Variants in CENPF observed in about 807,000 individuals in gnomAD.
The protein encoded by CENPF is centromere protein F.
In CENPF, 214 loss-of-function variants were observed where a neutral mutation model predicts 307.3. That is an observed-to-expected ratio of 0.70 (90% CI 0.62 to 0.78). CENPF has a LOEUF of 0.78. Among genes scored for constraint, CENPF ranks in the 30% least tolerant of loss-of-function variants. The pLI, the probability that CENPF is intolerant of heterozygous loss-of-function variation, is 0.00. For synonymous variants in CENPF, 1,259 were observed against 1,270.6 expected (o/e 0.99, Z 0.19); for missense variants, 3,401 against 3,483.9 (o/e 0.98, Z 0.60).
In CENPF at chr1:214,659,238, G is replaced by A. The variant is rs542349741; in HGVS notation, c.9141+210G>A. 4.1e-4 allele frequency among the ~76,000 whole-genome samples: 62 copies of A among 152,138 alleles called. No individual in the cohort carries two copies. Among genetic ancestry groups the A allele is most frequent in the Non-Finnish European group, 7.5e-4 (51 of 68,000 alleles). ...GATCTCATCCTTCAGTCAACAGGCC[G>A]CTTATATGTAGTTTGATGGAAAATG... On this transcript the variant is annotated intron_variant, in intron 19 of 19. Transcript: ENST00000366955. This position sits in a 1 kb window ranked among gnomAD's most constrained non-coding sequence, Gnocchi z 4.4.
In CENPF at chr1:214,647,135, A is replaced by G. The variant is rs747939716; in HGVS notation, c.7565A>G (p.Glu2522Gly). The change falls in exon 13 of 20, where the codon GAA (glutamate) becomes GGA (glycine). Residue 2522 changes from glutamate (E) to glycine (G), a missense_variant. Coordinates refer to ENST00000366955, the MANE Select transcript of CENPF (RefSeq NM_016343.4). ...AAGCAGAAACTGGAGAAGAAGGATG[A>G]AGAAATCAGTAGACTGAAAAATCAA... The part of the protein sequence containing the change: ...DGKQKLEKKD[E>G]EISRLKNQIQ... 7.4e-6 allele frequency: 12 copies of G among 1,614,106 alleles called. No individual in the cohort carries two copies. The Admixed American group carries it at 2.0e-4, about 27-fold the overall frequency.
At chr1:214,652,590 C>A (rs550980416) in intron 15 of CENPF, among the ~76,000 whole-genome samples, 2 of 150,932 alleles carry the variant, frequency 1.3e-5, no homozygotes, top group South Asian at 2.1e-4. Flanking sequence ...ATTATAGGCG[C>A]CTGCCACCAC....
intron 19 of CENPF, among the ~76,000 whole-genome samples, chr1:214,662,913 G>A (rs1658824059): frequency 6.6e-6 from 1 of 151,952 alleles, no homozygotes; most frequent in African/African-American, 2.4e-5. Flanking sequence ...CTGAGTAGCT[G>A]GAACTATAGA....
chr1:214,610,138 A>G (rs150984134), intron 1 of CENPF, among the ~76,000 whole-genome samples: 16 of 151,850 alleles, frequency 1.1e-4, no homozygotes, highest in Non-Finnish European at 2.9e-5. Context: ...GATTACAGGC[A>G]TGAGCCACTG....
intron 1 of CENPF, among the ~76,000 whole-genome samples, chr1:214,612,066 G>A (rs1211989113): frequency 6.6e-6 from 1 of 152,120 alleles, no homozygotes; most frequent in Non-Finnish European, 1.5e-5. Flanking sequence ...TTCAAGGGGG[G>A]AATGCTTTCA....
chr1:214,639,751 C>T (rs1194519461), intron 11 of CENPF, among the ~76,000 whole-genome samples, 170 bp from the exon 12 acceptor site: 2 of 148,648 alleles, frequency 1.3e-5, no homozygotes. Context: ...AAGATAATTA[C>T]CAAGTGATCC....
chr1:214,657,309 T>G lies in CENPF; in HGVS notation c.8862T>G (p.Ser2954=). Residue 2954 remains serine (S), a synonymous_variant, in exon 18 of 20, where the codon TCT becomes TCG. Transcript: ENST00000366955. ...GPTPATPESF[S]KKSKKAVMSG... ...CACCTGCTACCCCAGAGAGCTTTTC[T>G]AAAAAAAGCAAGAAAGCAGTCATGA... The G allele has an allele frequency of 6.2e-7, 1 of 1,613,428 alleles. No homozygotes were observed. The highest frequency in any genetic ancestry group is 8.5e-7 in the Non-Finnish European group (1 of 1,179,798).
intron 5 of CENPF, among the ~76,000 whole-genome samples, chr1:214,620,381 A>C (rs554105114): frequency 6.6e-6 from 1 of 152,232 alleles, no homozygotes; most frequent in Admixed American, 6.5e-5. Context: ...GGTTCTAAGA[A>C]GGATGCAGAA....
rs1189908054 is a variant in CENPF, at chr1:214,646,993, G to C, written c.7423G>C (p.Val2475Leu). Residue 2475 changes from valine (V) to leucine (L), a missense_variant, in exon 13 of 20, where the codon GTA (valine) becomes CTA (leucine). By Grantham distance (32) the Val-to-Leu change is conservative. Coordinates refer to ENST00000366955, the MANE Select transcript of CENPF (RefSeq NM_016343.4). ...CAAAGAGCAGAATCTTAGTAGTCAA[G>C]TAGAGTGTCTTGAACTTGAGAAGGC... Reference protein sequence around the residue: ...KAKEQNLSSQVECLELEKAQL... With the variant: ...KAKEQNLSSQLECLELEKAQL... 1 of 1,614,072 alleles carries C rather than the reference G, an allele frequency of 6.2e-7. No individual in the cohort carries two copies. Among genetic ancestry groups the C allele is most frequent in the Admixed American group, 1.7e-5 (1 of 60,010 alleles).
intron 10 of CENPF, among the ~76,000 whole-genome samples, chr1:214,635,770 T>A (rs11810736): frequency 0.025 from 3,842 of 152,290 alleles, 174 homozygotes; most frequent in African/African-American, 0.086. Context: ...CATGTTAATC[T>A]TTCCATTGAG....
rs1334376157 is a variant in CENPF at position 214,657,388 on chromosome 1, C to T, written c.8941C>T (p.Leu2981Phe). 4 of 1,607,350 alleles carry T rather than the reference C, an allele frequency of 2.5e-6. No homozygotes were observed. Among genetic ancestry groups the T allele is most frequent in the Non-Finnish European group, 3.4e-6 (4 of 1,178,138 alleles). The change falls in exon 18 of 20, where the codon CTT becomes TTT. Residue 2981 changes from leucine to phenylalanine, a missense_variant. Leu to Phe is a conservative substitution (Grantham distance 22). Transcript: ENST00000366955. ...TEGTEFEPEG[L>F]PEVVKKGFAD... ...AGGTACTGAGTTTGAGCCAGAGGGA[C>T]TTCCAGAAGTTGTAAAGAAAGGTAT...
At chr1:214,638,027 T>TA in intron 11 of CENPF, 26 bp downstream of exon 11, 1 of 1,593,936 alleles carries the variant, frequency 6.3e-7, no homozygotes, top group Non-Finnish European at 8.5e-7. Flanking sequence ...ATTTTAGAGT[T>TA]ACCTTTCTAA....
intron 16 of CENPF, chr1:214,654,452 T>A (rs1658577074): frequency 6.6e-6 from 1 of 151,956 alleles, no homozygotes; most frequent in African/African-American, 2.4e-5. Flanking sequence ...GTACCTATAG[T>A]CCCAGCTATG....
In CENPF at chr1:214,642,059, A is replaced by G; in HGVS notation, c.3721A>G (p.Ile1241Val). 5.6e-6 allele frequency: 9 copies of G among 1,611,368 alleles called. No homozygotes were observed. Among genetic ancestry groups the G allele is most frequent in the Admixed American group, 3.4e-5 (2 of 59,426 alleles). Reference protein sequence around the residue: ...KECLQHELQTIRGDLETSNLQ... With the variant: ...KECLQHELQTVRGDLETSNLQ... ...GTGCCTGCAGCATGAATTACAGACA[A>G]TTAGAGGAGATCTTGAAACCAGCAA... Residue 1241 changes from isoleucine (I) to valine (V), a missense_variant, in exon 12 of 20, where the codon ATT becomes GTT. Transcript: ENST00000366955.
At chr1:214,618,996 A>T (rs1209179885) in intron 4 of CENPF, 133 bp from the exon 5 acceptor site, 13 of 597,552 alleles carry the variant, frequency 2.2e-5, no homozygotes, top group Non-Finnish European at 3.6e-5. Context: ...CAATAGTTTG[A>T]TCTATTTCCC....
At chr1:214,608,893 C>T (rs1253840256) in intron 1 of CENPF, 9 of 1,398,876 alleles carry the variant, frequency 6.4e-6, no homozygotes, top group African/African-American at 4.6e-5. Flanking sequence ...AACAACGCCG[C>T]CCGGCCTGGC....
intron 8 of CENPF, 127 bp downstream of exon 8, chr1:214,629,298 T>A: frequency 1.1e-6 from 1 of 900,648 alleles, no homozygotes; most frequent in South Asian, 2.5e-5. Flanking sequence ...AAATGCTTTG[T>A]GAGCTAAAGG....
At chr1:214,644,215 T>G (rs956009634) in intron 12 of CENPF, among the ~76,000 whole-genome samples, 1 of 152,276 alleles carries the variant, frequency 6.6e-6, no homozygotes, top group Non-Finnish European at 1.5e-5. Context: ...TAGCCTCTTA[T>G]TTAATAATTA....
At chr1:214,619,321 C>A in intron 5 of CENPF, 101 bp downstream of exon 5, 2 of 618,018 alleles carry the variant, frequency 3.2e-6, no homozygotes, top group South Asian at 2.4e-5. Flanking sequence ...ATAGAGCTGG[C>A]CTTTTTGTGT....
Sources: allele counts gnomAD v4.1 joint callset (sites outside exome capture counted in the v4.1 genomes callset), GRCh38; gene constraint gnomAD v4.1.1; non-coding constraint Gnocchi (gnomAD v3.1); transcripts MANE v1.5; gene names NCBI Gene and HGNC (gene_info 2026-07-23, HGNC 2026-07-21).